The following SLC24A2 variants were observed in gnomAD, a reference collection of about 807,000 sequenced individuals.
SLC24A2 encodes the protein sodium/potassium/calcium exchanger 2.
SLC24A2 carries 36 observed loss-of-function variants against 62.0 expected under a neutral mutation model. The ratio of observed to expected loss-of-function variants is 0.58; its 90% confidence interval spans 0.44 to 0.77. The LOEUF (loss-of-function observed/expected upper bound fraction) is 0.77. SLC24A2 is among the 30% of genes least tolerant of loss of function. SLC24A2 has a pLI of 0.00. For synonymous variants in SLC24A2, 358 were observed against 294.0 expected, an observed-to-expected ratio of 1.22 and a Z score of -2.23; for missense variants, 846 against 817.9, an observed-to-expected ratio of 1.03 and a Z score of -0.42.
chr9:20,166,632 G>A, the SLC24A2 span, among the ~76,000 whole-genome samples: 1 of 151,902 alleles, frequency 6.6e-6, no homozygotes, highest in Non-Finnish European at 1.5e-5. Flanking sequence ...AACACAGTAA[G>A]TTTAAGCCAG....
chr9:20,104,503 A>G, the SLC24A2 span, among the ~76,000 whole-genome samples: 27 of 152,372 alleles, frequency 1.8e-4, no homozygotes, highest in African/African-American at 4.3e-4. Context: ...TGGATCTCTC[A>G]GCAGAAACGC....
intron 2 of SLC24A2, among the ~76,000 whole-genome samples, chr9:19,649,014 A>AC (rs1234817753): frequency 1.3e-5 from 2 of 150,982 alleles, no homozygotes; most frequent in Non-Finnish European, 3.0e-5. Flanking sequence ...AAAAAAAAAA[A>AC]AAAAACAAAA....
the SLC24A2 span, among the ~76,000 whole-genome samples, chr9:19,841,571 C>T: frequency 6.6e-6 from 1 of 152,216 alleles, no homozygotes; most frequent in Non-Finnish European, 1.5e-5. Flanking sequence ...CCTCTCAGCT[C>T]TTAATTCACC....
intron 8 of SLC24A2, among the ~76,000 whole-genome samples, chr9:19,532,802 A>T (rs565055122): frequency 6.6e-6 from 1 of 152,296 alleles, no homozygotes; most frequent in East Asian, 1.9e-4. Context: ...AATAATAGAA[A>T]TTGCAAACAT....
intron 2 of SLC24A2, among the ~76,000 whole-genome samples, chr9:19,747,332 T>A (rs1470378736): frequency 6.6e-6 from 1 of 152,182 alleles, no homozygotes; most frequent in East Asian, 1.9e-4. Context: ...TATACAGGTA[T>A]GTGTACGTGT....
chr9:19,546,923 C>T (rs1228450200), intron 8 of SLC24A2, among the ~76,000 whole-genome samples: 1 of 152,100 alleles, frequency 6.6e-6, no homozygotes, highest in Non-Finnish European at 1.5e-5. Flanking sequence ...TCACAGCTTC[C>T]CTTGGGTAGG....
the SLC24A2 span, among the ~76,000 whole-genome samples, chr9:20,093,667 G>A: frequency 3.9e-5 from 6 of 152,010 alleles, no homozygotes; most frequent in Non-Finnish European, 5.9e-5. Flanking sequence ...GGATGCTTAC[G>A]GAACAATGGT....
intron 2 of SLC24A2, among the ~76,000 whole-genome samples, chr9:19,704,817 T>A (rs1348491327): frequency 2.1e-5 from 3 of 142,452 alleles, no homozygotes; most frequent in South Asian, 4.3e-4. Context: ...TTTTTTTTTT[T>A]AAGTAAGGCT....
the SLC24A2 span, among the ~76,000 whole-genome samples, chr9:19,933,740 T>A: frequency 6.6e-6 from 1 of 152,232 alleles, no homozygotes; most frequent in African/African-American, 2.4e-5. Context: ...AACTGATGAA[T>A]GGATAAACGA....
At chr9:20,021,696 C>G in the SLC24A2 span, among the ~76,000 whole-genome samples, 2 of 151,876 alleles carry the variant, frequency 1.3e-5, no homozygotes, top group African/African-American at 2.4e-5. Flanking sequence ...TGCTTTCCAA[C>G]TCCCCCCTGG....
chr9:19,570,732 A>C (rs1385749772), intron 7 of SLC24A2, among the ~76,000 whole-genome samples: 1 of 152,210 alleles, frequency 6.6e-6, no homozygotes, highest in African/African-American at 2.4e-5. Context: ...TACTGTTGCT[A>C]TCTGCACTTC....
Position 19,646,861 on chromosome 9 carries a change from A to C in SLC24A2, c.931-24562T>G, listed in dbSNP as rs922432224. Among the ~76,000 whole-genome samples the C allele has an allele frequency of 5.3e-5, 8 of 152,128 alleles. 1 individual carries two copies. Among genetic ancestry groups the C allele is most frequent in the Admixed American group, 6.6e-5 (1 of 15,260 alleles). On this transcript the variant is annotated intron_variant, in intron 2 of 10. Coordinates refer to ENST00000341998, the MANE Select transcript of SLC24A2 (RefSeq NM_020344.4). Reference sequence around the variant, plus strand: ...AACACATATATGTACACATGCACATACACTCACACACATGGAGGGAAAGGA... The same window carrying C: ...AACACATATATGTACACATGCACATCCACTCACACACATGGAGGGAAAGGA...
chr9:19,561,652 G>C lies in SLC24A2; in HGVS notation c.1348-11384C>G, dbSNP rs568687171. ...GATTTCACCCATCCAGGATGGTCTT[G>C]ACCTCCTGACCTTGTGATCCACCTG... On this transcript the variant is annotated intron_variant, in intron 7 of 10. Transcript: ENST00000341998. Among the ~76,000 whole-genome samples, 5 of 151,472 alleles carry C rather than the reference G, an allele frequency of 3.3e-5. No homozygotes were observed. In the East Asian group the frequency reaches 9.8e-4, roughly 30 times the overall value.
At chr9:19,829,814 C>T in the SLC24A2 span, among the ~76,000 whole-genome samples, 325 of 18,112 alleles carry the variant, frequency 0.018, 1 homozygote, top group African/African-American at 0.024. Context: ...TATATATACA[C>T]ACACACACAC....
At chr9:20,172,905 C>T in the SLC24A2 span, among the ~76,000 whole-genome samples, 1 of 151,730 alleles carries the variant, frequency 6.6e-6, no homozygotes, top group Non-Finnish European at 1.5e-5. Flanking sequence ...AGACCAATAT[C>T]TTAATGAACA....
chr9:20,013,564 T>C, the SLC24A2 span, among the ~76,000 whole-genome samples: 3 of 152,180 alleles, frequency 2.0e-5, no homozygotes, highest in Non-Finnish European at 2.9e-5. Context: ...ACAAATGAGA[T>C]GGCATCAAAC....
chr9:20,129,509 A>G, the SLC24A2 span, among the ~76,000 whole-genome samples: 4 of 152,262 alleles, frequency 2.6e-5, no homozygotes, highest in Admixed American at 6.5e-5. Flanking sequence ...TACAATAGCC[A>G]AAAGATGGAA....
chr9:19,955,636 C>A, the SLC24A2 span, among the ~76,000 whole-genome samples: 2 of 152,044 alleles, frequency 1.3e-5, no homozygotes, highest in African/African-American at 4.8e-5. Flanking sequence ...ATGTAGATTC[C>A]TATTTTCTTT....
the SLC24A2 span, among the ~76,000 whole-genome samples, chr9:20,080,457 A>G: frequency 2.6e-5 from 4 of 152,172 alleles, no homozygotes; most frequent in Non-Finnish European, 1.5e-5. Context: ...CCTTCCTTAC[A>G]CCTTATACAA....
Sources: gnomAD v4.1 joint callset for allele counts (sites outside exome capture counted in the v4.1 genomes callset) on GRCh38, gnomAD v4.1.1 for gene constraint, MANE v1.5 for transcripts, NCBI Gene and HGNC (gene_info 2026-07-23, HGNC 2026-07-21) for gene names.